MTA3: variants seen among roughly 807,000 people sequenced by gnomAD.
The protein encoded by MTA3 is metastasis associated 1 family member 3.
MTA3 carries 34 observed loss-of-function variants against 83.5 expected under a neutral mutation model. The observed-to-expected ratio is 0.41, with a 90% CI of 0.31 to 0.54. MTA3 has a LOEUF of 0.54. Ranked by LOEUF, MTA3 falls within the 20% of genes least tolerant of loss-of-function variation. The probability of loss-of-function intolerance (pLI) is 0.33; values close to 1 mark genes in which losing one functional copy is unlikely to be tolerated. For synonymous variants in MTA3, 303 were observed against 252.7 expected, an observed-to-expected ratio of 1.20 and a Z score of -1.89; for missense variants, 761 against 726.4, an observed-to-expected ratio of 1.05 and a Z score of -0.55.
chr2:42,542,818 A>G (rs112143421), intron 2 of MTA3, among the ~76,000 whole-genome samples: 1 of 152,044 alleles, frequency 6.6e-6, no homozygotes, highest in Non-Finnish European at 1.5e-5. Flanking sequence ...CAGCCTCCCA[A>G]AGTGCTGGGA....
At chr2:42,509,756 G>A (rs1298710370) in intron 2 of MTA3, among the ~76,000 whole-genome samples, 1 of 152,024 alleles carries the variant, frequency 6.6e-6, no homozygotes, top group Non-Finnish European at 1.5e-5. Flanking sequence ...GGGCGACACA[G>A]TGAGACCCTG....
chr2:42,745,634 C>T (rs1343264628), intron 16 of MTA3, among the ~76,000 whole-genome samples: 12 of 152,130 alleles, frequency 7.9e-5, no homozygotes. Flanking sequence ...CATTCTCCTG[C>T]CTTGGCCTCC....
At chr2:42,604,165 C>T (rs1243344251) in intron 3 of MTA3, among the ~76,000 whole-genome samples, 2 of 151,802 alleles carry the variant, frequency 1.3e-5, no homozygotes, top group African/African-American at 4.9e-5. Context: ...CCTGAGTCTC[C>T]AGAGTAGCTG....
intron 4 of MTA3, among the ~76,000 whole-genome samples, chr2:42,621,321 G>T (rs945298988): frequency 1.2e-4 from 19 of 152,254 alleles, no homozygotes; most frequent in South Asian, 1.2e-3. Context: ...AGATTAGGGA[G>T]TGGTGATGAC....
At chr2:42,707,762 T>G (rs1050058750) in intron 12 of MTA3, 141 bp from the exon 13 acceptor site, 7 of 875,814 alleles carry the variant, frequency 8.0e-6, no homozygotes, top group Non-Finnish European at 1.2e-5. Context: ...ACAAATATAC[T>G]ATTATGTTTG....
chr2:42,568,888 G>C (rs1186109883), intron 1 of MTA3, 115 bp downstream of exon 1: 33 of 1,034,172 alleles, frequency 3.2e-5, no homozygotes, highest in Non-Finnish European at 4.0e-5. Flanking sequence ...AGGTCGCAGT[G>C]GGCTGGGGCG....
intron 8 of MTA3, among the ~76,000 whole-genome samples, chr2:42,673,650 A>G (rs1691049046): frequency 6.6e-6 from 1 of 152,186 alleles, no homozygotes; most frequent in Non-Finnish European, 1.5e-5. Flanking sequence ...CTTGTGGAAT[A>G]AAAGGCAAGG....
Position 42,568,725 on chromosome 2 carries a change from T to G in MTA3, c.-21T>G. Reference sequence around the variant, plus strand: ...GCGGCGGGCGGGGCTCGGCTCGGGCTCCGCGGGCGGGCGGGCGGACATGGC... The same window carrying G: ...GCGGCGGGCGGGGCTCGGCTCGGGCGCCGCGGGCGGGCGGGCGGACATGGC... On this transcript the variant is annotated 5_prime_UTR_variant, in exon 1 of 17. Coordinates refer to ENST00000405094, the MANE Select transcript of MTA3 (RefSeq NM_001330442.2). 1 of 1,212,352 alleles carries G rather than the reference T, an allele frequency of 8.2e-7. No individual in the cohort carries two copies. The allele number at this position is 1,212,352 out of a possible 1,614,324, so 75.1% of individuals were successfully genotyped here.
At position 42,604,039 on chromosome 2, in the gene MTA3, G is replaced by A. The variant is rs531830140; in HGVS notation, c.191-5419G>A. Among the ~76,000 whole-genome samples, 74 of 152,092 alleles carry A rather than the reference G, an allele frequency of 4.9e-4. 1 individual carries two copies. The highest frequency in any genetic ancestry group is 1.6e-3 in the African/African-American group (67 of 41,494). ...GCTGGGATTACAGGCGTGAGCCACC[G>A]CACCCAGCTCTTTGTTTTTGAAACA... On this transcript the variant is annotated intron_variant, in intron 3 of 16. Coordinates refer to ENST00000405094, the MANE Select transcript of MTA3 (RefSeq NM_001330442.2).
chr2:42,644,863 C>T (rs1371000759), intron 6 of MTA3, among the ~76,000 whole-genome samples: 1 of 152,094 alleles, frequency 6.6e-6, no homozygotes, highest in East Asian at 1.9e-4. Flanking sequence ...CACTGACTGT[C>T]CCTTCCCTGC....
At chr2:42,722,416 C>T (rs1045882723) in intron 15 of MTA3, among the ~76,000 whole-genome samples, 3 of 152,146 alleles carry the variant, frequency 2.0e-5, no homozygotes, top group African/African-American at 7.2e-5. Flanking sequence ...ATCCTGGTCC[C>T]ATACTCTGTC....
intron 4 of MTA3, among the ~76,000 whole-genome samples, chr2:42,638,324 G>A (rs577686960): frequency 2.0e-5 from 3 of 152,120 alleles, no homozygotes; most frequent in African/African-American, 2.4e-5. Context: ...ATGTGCTAAC[G>A]GCAGCAGAGC....
intron 2 of MTA3, among the ~76,000 whole-genome samples, chr2:42,508,025 G>C (rs1054346463): frequency 1.3e-5 from 2 of 151,162 alleles, no homozygotes; most frequent in East Asian, 3.9e-4. Context: ...TCTTTTTCCT[G>C]AGGCCCATTC....
At chr2:42,617,098 G>C (rs1364032072) in intron 4 of MTA3, among the ~76,000 whole-genome samples, 1 of 152,188 alleles carries the variant, frequency 6.6e-6, no homozygotes, top group Non-Finnish European at 1.5e-5. Flanking sequence ...CAGCAACCAT[G>C]AGAAAGGGAT....
intron 2 of MTA3, among the ~76,000 whole-genome samples, chr2:42,515,134 C>T (rs1430778628): frequency 6.6e-6 from 1 of 152,134 alleles, no homozygotes; most frequent in Admixed American, 6.6e-5. Context: ...TCTCGGCTCA[C>T]TGCCAGCTCT....
At chr2:42,565,884 G>C (rs1330363717), upstream of MTA3, among the ~76,000 whole-genome samples, 1 of 152,044 alleles carries the variant, frequency 6.6e-6, no homozygotes, top group African/African-American at 2.4e-5. Context: ...GGCACCTGTA[G>C]TCCCAGCTGC....
At position 42,721,024 on chromosome 2, in the gene MTA3, A is replaced by G. The variant is rs137891535; in HGVS notation, c.1613-1865A>G. ...AACATTATTAGCCTTTCCAAGAATAATTGTGTGCTCCTACTGTGGGCAAAT... is the reference window on the plus strand; with the variant it reads ...AACATTATTAGCCTTTCCAAGAATAGTTGTGTGCTCCTACTGTGGGCAAAT... On this transcript the variant is annotated intron_variant, in intron 15 of 16. Transcript: ENST00000405094. Among the ~76,000 whole-genome samples the G allele has an allele frequency of 4.0e-3, 609 of 151,866 alleles. 4 individuals carry two copies. Among genetic ancestry groups the G allele is most frequent in the African/African-American group, 0.013 (560 of 41,490 alleles).
At chr2:42,654,103 C>T (rs1440633077) in intron 6 of MTA3, among the ~76,000 whole-genome samples, 1 of 152,194 alleles carries the variant, frequency 6.6e-6, no homozygotes, top group East Asian at 1.9e-4. Flanking sequence ...AACCTTAGAT[C>T]TTTTTGGCCT....
chr2:42,699,992 G>A (rs1324527112), intron 11 of MTA3, among the ~76,000 whole-genome samples: 8 of 152,094 alleles, frequency 5.3e-5, no homozygotes, highest in Non-Finnish European at 8.8e-5. Flanking sequence ...ATAGCTAGGC[G>A]AGTATGGTAT....
Sources: gnomAD v4.1 joint callset for allele counts (sites outside exome capture counted in the v4.1 genomes callset) on GRCh38, gnomAD v4.1.1 for gene constraint, MANE v1.5 for transcripts, NCBI Gene and HGNC (gene_info 2026-07-23, HGNC 2026-07-21) for gene names.